BCL2: variants seen among roughly 807,000 people sequenced by gnomAD.
The protein encoded by BCL2 is BCL2 apoptosis regulator.
Under a neutral mutation model 14.2 loss-of-function variants are expected in BCL2, and 1 was observed. The observed-to-expected ratio is 0.07, with a 90% CI of 0.02 to 0.33. The LOEUF (loss-of-function observed/expected upper bound fraction) is 0.33. BCL2 is among the 10% of genes least tolerant of loss of function. The probability of loss-of-function intolerance (pLI) is 0.99; values close to 1 mark genes in which losing one functional copy is unlikely to be tolerated. For synonymous variants in BCL2, 151 were observed against 137.2 expected (o/e 1.10, Z -0.70); for missense variants, 247 against 305.9 (o/e 0.81, Z 1.44).
chr18:63,290,730 GA>G (rs563916622), intron 2 of BCL2, among the ~76,000 whole-genome samples: 1 of 152,010 alleles, frequency 6.6e-6, no homozygotes, highest in Non-Finnish European at 1.5e-5. Flanking sequence ...CACTCAGCAG[GA>G]AAAAAATCTG....
intron 2 of BCL2, among the ~76,000 whole-genome samples, chr18:63,274,182 A>G (rs1011181408): frequency 6.6e-6 from 1 of 151,878 alleles, no homozygotes; most frequent in Non-Finnish European, 1.5e-5. Context: ...ACATGCCTCT[A>G]CGGTAATTTC....
intron 2 of BCL2, among the ~76,000 whole-genome samples, chr18:63,168,149 G>A (rs1915091053): frequency 2.0e-5 from 3 of 152,246 alleles, no homozygotes; most frequent in Admixed American, 2.0e-4. Context: ...ATTGGAGAAT[G>A]TGTCAAGAGT....
At chr18:63,233,606 C>T (rs1910744156) in intron 2 of BCL2, among the ~76,000 whole-genome samples, 1 of 152,164 alleles carries the variant, frequency 6.6e-6, no homozygotes, top group Admixed American at 6.5e-5. Context: ...GAATCTAATG[C>T]CGTGGCTGAT....
intron 2 of BCL2, among the ~76,000 whole-genome samples, chr18:63,277,210 T>C (rs903517464): frequency 2.0e-5 from 3 of 152,334 alleles, no homozygotes; most frequent in East Asian, 1.9e-4. Context: ...ATAGAATTTA[T>C]CAGAGCTCAA....
intron 2 of BCL2, among the ~76,000 whole-genome samples, chr18:63,226,112 A>C (rs369558274): frequency 6.6e-6 from 1 of 152,350 alleles, no homozygotes; most frequent in South Asian, 2.1e-4. Context: ...CCTGAAGTCC[A>C]GCCATCCCTG....
At position 63,198,429 on chromosome 18, in the gene BCL2, CAGACACACACTGACACACAGACACAG is replaced by C. The variant is rs1354186504; in HGVS notation, c.586-69696_586-69671del. Among the ~76,000 whole-genome samples the C allele has an allele frequency of 2.0e-5, 3 of 146,972 alleles. No homozygotes were observed. In the South Asian group the frequency reaches 6.7e-4, roughly 33 times the overall value. On this transcript the variant is annotated intron_variant, in intron 2 of 2. Coordinates refer to ENST00000333681, the MANE Select transcript of BCL2 (RefSeq NM_000633.3). ...ACACACATAGACACAGAGACACACA[CAGACACACACTGACACACAGACACAG>C]AGACACACACAGACACACACTGACA...
intron 2 of BCL2, among the ~76,000 whole-genome samples, chr18:63,287,470 G>A (rs1912507752): frequency 1.3e-5 from 2 of 152,268 alleles, no homozygotes; most frequent in South Asian, 4.1e-4. Flanking sequence ...GAAGAGAAGA[G>A]AAGTTGCCAG....
chr18:63,315,546 T>A (rs1296830439), intron 2 of BCL2: 1 of 152,188 alleles, frequency 6.6e-6, no homozygotes, highest in Non-Finnish European at 1.5e-5. Context: ...CCTGGAGTAT[T>A]CAGTGTAGTA....
chr18:63,151,667 G>A (rs1914654896), intron 2 of BCL2, among the ~76,000 whole-genome samples: 1 of 152,132 alleles, frequency 6.6e-6, no homozygotes, highest in Non-Finnish European at 1.5e-5. Flanking sequence ...TTTTCTGTAG[G>A]CCCAGCCCAA....
At chr18:63,223,595 G>T (rs1269138655) in intron 2 of BCL2, among the ~76,000 whole-genome samples, 1 of 152,148 alleles carries the variant, frequency 6.6e-6, no homozygotes, top group African/African-American at 2.4e-5. Flanking sequence ...TATGCATGCT[G>T]AAGGCTGAAC....
chr18:63,206,928 G>A (rs1568233766), intron 2 of BCL2, among the ~76,000 whole-genome samples: 1 of 152,102 alleles, frequency 6.6e-6, no homozygotes, highest in Admixed American at 6.5e-5. Context: ...AGGGGAGGAC[G>A]ACTTAAAGAC....
chr18:63,142,479 G>A (rs1051136875), intron 2 of BCL2, among the ~76,000 whole-genome samples: 1 of 152,232 alleles, frequency 6.6e-6, no homozygotes, highest in Non-Finnish European at 1.5e-5. Flanking sequence ...TGTTGTTCTT[G>A]GTTTGGGGCA....
In BCL2 at chr18:63,182,986, G is replaced by T. The variant is rs564954499; in HGVS notation, c.586-54227C>A. 3.3e-5 allele frequency among the ~76,000 whole-genome samples: 5 copies of T among 152,314 alleles called. No individual in the cohort carries two copies. In the South Asian group the frequency reaches 1.0e-3, roughly 32 times the overall value. Reference sequence around the variant, plus strand: ...TGCAAACTGTTGAAGCCACGGTACTGCCTGGAGCACTCAGCACCGAGCTGG... The same window carrying T: ...TGCAAACTGTTGAAGCCACGGTACTTCCTGGAGCACTCAGCACCGAGCTGG... On this transcript the variant is annotated intron_variant, in intron 2 of 2. Transcript: ENST00000333681.
chr18:63,197,117 A>G (rs1909466022), intron 2 of BCL2, among the ~76,000 whole-genome samples: 1 of 152,252 alleles, frequency 6.6e-6, no homozygotes, highest in Admixed American at 6.5e-5. Context: ...AATAGGTAAG[A>G]AAGTTATGGC....
At chr18:63,254,383 TAAAAAAAAAAAAA>T (rs71162613) in intron 2 of BCL2, among the ~76,000 whole-genome samples, 1 of 38,412 alleles carries the variant, frequency 2.6e-5, no homozygotes, top group Admixed American at 5.3e-4. Flanking sequence ...CTGTCTTTGC[TAAAAAAAAAAAAA>T]AAAAAAAAAA....
intron 2 of BCL2, among the ~76,000 whole-genome samples, chr18:63,262,589 C>T (rs1215500117): frequency 6.6e-6 from 1 of 152,186 alleles, no homozygotes; most frequent in Non-Finnish European, 1.5e-5. Flanking sequence ...CCACCCAGCT[C>T]ATGGTCAGGC....
At chr18:63,134,451 C>T (rs1259503740) in intron 2 of BCL2, among the ~76,000 whole-genome samples, 2 of 152,166 alleles carry the variant, frequency 1.3e-5, no homozygotes, top group Non-Finnish European at 2.9e-5. Flanking sequence ...GACCCTGGCC[C>T]AGAAGAACTC....
At chr18:63,151,446 G>C (rs2144608451) in intron 2 of BCL2, 1 of 143,868 alleles carries the variant, frequency 7.0e-6, no homozygotes, top group East Asian at 2.2e-4. Context: ...TGACGGTTCA[G>C]AGAAGGGCGA....
At chr18:63,171,562 T>A (rs1362824970) in intron 2 of BCL2, among the ~76,000 whole-genome samples, 1 of 152,260 alleles carries the variant, frequency 6.6e-6, no homozygotes, top group Non-Finnish European at 1.5e-5. Flanking sequence ...TAACATCTAG[T>A]TATAATAGAG....
Sources: gnomAD v4.1 joint callset for allele counts (sites outside exome capture counted in the v4.1 genomes callset) on GRCh38, gnomAD v4.1.1 for gene constraint, MANE v1.5 for transcripts, NCBI Gene and HGNC (gene_info 2026-07-23, HGNC 2026-07-21) for gene names.